The following NSL1 variants were observed in gnomAD, a reference collection of about 807,000 sequenced individuals.
The protein encoded by NSL1 is NSL1 component of MIS12 kinetochore complex, also known as kinetochore-associated protein NSL1 homolog.
Under a neutral mutation model 25.4 loss-of-function variants are expected in NSL1, and 11 were observed. The ratio of observed to expected loss-of-function variants is 0.43; its 90% CI spans 0.27 to 0.72. The LOEUF is 0.72. Among genes scored for constraint, NSL1 ranks in the 30% least tolerant of loss-of-function variants. The pLI is 0.19. For synonymous variants in NSL1, 118 were observed against 120.6 expected, an observed-to-expected ratio of 0.98 and a Z score of 0.14; for missense variants, 330 against 342.7, an observed-to-expected ratio of 0.96 and a Z score of 0.29.
chr1:212,755,379 A>C (rs1389522228), intron 4 of NSL1, among the ~76,000 whole-genome samples: 2 of 152,020 alleles, frequency 1.3e-5, no homozygotes, highest in East Asian at 3.8e-4. Flanking sequence ...TGTTAATGGA[A>C]GATGGGAGAA....
intron 4 of NSL1, among the ~76,000 whole-genome samples, chr1:212,749,880 G>A (rs1040059577): frequency 1.3e-5 from 2 of 150,674 alleles, no homozygotes; most frequent in Non-Finnish European, 3.0e-5. Flanking sequence ...TTTAACAAAT[G>A]AATGTCTAGT....
chr1:212,787,631 CAA>C lies in NSL1; in HGVS notation c.239_240del (p.Phe80Ter). 6.3e-7 allele frequency: 1 copy of C among 1,593,276 alleles called. No individual in the cohort carries two copies. ...CTGATATTCTCTTGCACAGCTGATT[CAA>C]AAGTCTGCAATAAATTCACAGTAGT... The part of the protein sequence containing the change: ...EPALRDAQWT[F>X]ESAVQENISI... On this transcript the variant is annotated frameshift_variant, in exon 2 of 6. Transcript: ENST00000366977. LOFTEE classifies it high-confidence loss of function.
chr1:212,780,025 G>A (rs1199326347), intron 4 of NSL1, among the ~76,000 whole-genome samples: 72 of 152,124 alleles, frequency 4.7e-4, no homozygotes, highest in African/African-American at 1.5e-3. Context: ...CATTGAGAAC[G>A]GGCCATGATG....
At chr1:212,791,246 C>T (rs1432786996) in intron 1 of NSL1, among the ~76,000 whole-genome samples, 2 of 152,174 alleles carry the variant, frequency 1.3e-5, no homozygotes, top group Non-Finnish European at 2.9e-5. Context: ...AACAAAATGT[C>T]TTATTTCCAT....
Position 212,735,516 on chromosome 1 carries a change from G to C in NSL1, c.*2892C>G. 1.0e-6 allele frequency: 1 copy of C among 985,416 alleles called. No individual in the cohort carries two copies. 61.0% of individuals were successfully genotyped at this position (985,416 alleles called of 1,614,324 possible). On this transcript the variant is annotated 3_prime_UTR_variant, in exon 6 of 6. Coordinates refer to ENST00000366977, the MANE Select transcript of NSL1 (RefSeq NM_015471.4). ...CGGAGCCCAAGCCATAAAGGGCCAG[G>C]GAAAGAGGTCTAGGATAAGATTTTC...
intron 5 of NSL1, 71 bp from the exon 6 acceptor site, chr1:212,738,757 A>G (rs977582354): frequency 7.7e-7 from 1 of 1,293,636 alleles, no homozygotes; most frequent in Non-Finnish European, 1.1e-6. Context: ...AGATGGATGC[A>G]GTACTCTAAT....
intron 4 of NSL1, among the ~76,000 whole-genome samples, chr1:212,746,895 C>T (rs1250163957): frequency 6.6e-6 from 1 of 152,180 alleles, no homozygotes; most frequent in Non-Finnish European, 1.5e-5. Flanking sequence ...CCTGTAATCC[C>T]AACACTTTGG....
Position 212,784,419 on chromosome 1 carries a change from G to C in NSL1, c.388C>G (p.Pro130Ala). The stretch of plus-strand genomic sequence containing the variant: ...ATGACACATTCCAGGATCTTTCTGG[G>C]ATACTGCTTACGTTTTGTGGCTATA... ...VDIATKRKQY[P>A]RKILECVIKT... The change falls in exon 3 of 6, where the codon CCC becomes GCC. Residue 130 changes from proline to alanine, a missense_variant. Transcript: ENST00000366977. 6.3e-7 allele frequency: 1 copy of C among 1,597,210 alleles called. No homozygotes were observed. Among genetic ancestry groups the C allele is most frequent in the Non-Finnish European group, 8.6e-7 (1 of 1,167,954 alleles).
rs1657991877 is a variant in NSL1 at position 212,731,043 on chromosome 1, T to C, written c.*7365A>G. On this transcript the variant is annotated 3_prime_UTR_variant, in exon 6 of 6. Transcript: ENST00000366977. ...CAAGGGATTCTTTACCCCTGAAGCT[T>C]CAAATGAATATAACATTAATTTTCT... The C allele has an allele frequency of 1.0e-6, 1 of 985,184 alleles. No homozygotes were observed. Among genetic ancestry groups the C allele is most frequent in the Non-Finnish European group, 1.2e-6 (1 of 829,830 alleles). The allele number at this position is 985,184 out of a possible 1,614,324, so 61.0% of individuals were successfully genotyped here.
At chr1:212,756,570 A>C (rs1039021139) in intron 4 of NSL1, among the ~76,000 whole-genome samples, 4 of 152,242 alleles carry the variant, frequency 2.6e-5, no homozygotes, top group Admixed American at 6.5e-5. Flanking sequence ...CTGTAATCCC[A>C]GAACTTTGGG....
chr1:212,778,773 C>G (rs1455067324), intron 4 of NSL1, among the ~76,000 whole-genome samples: 1 of 152,124 alleles, frequency 6.6e-6, no homozygotes, highest in Admixed American at 6.5e-5. Flanking sequence ...CAGCAGCCTG[C>G]CTTGGCCTCC....
At position 212,738,022 on chromosome 1, in the gene NSL1, CTCT is replaced by C. The variant is rs1558037767; in HGVS notation, c.*383_*385del. On this transcript the variant is annotated 3_prime_UTR_variant, in exon 6 of 6. Transcript: ENST00000366977. ...ACGAAAAATCATTATACAGCTCTCTCTCTTTTTTTTTTTTTTCCTAGAAAGATG... is the reference window on the plus strand; with the variant it reads ...ACGAAAAATCATTATACAGCTCTCTCTTTTTTTTTTTTTCCTAGAAAGATG... 7 of 934,876 alleles carry C rather than the reference CTCT, an allele frequency of 7.5e-6. No homozygotes were observed. The highest frequency in any genetic ancestry group is 8.7e-6 in the Non-Finnish European group (7 of 803,836). The allele number at this position is 934,876 out of a possible 1,614,324, so 57.9% of individuals were successfully genotyped here. A position where few individuals can be genotyped will look rare whatever the true frequency, so the allele number is the denominator to read the frequency against.
At position 212,791,623 on chromosome 1, in the gene NSL1, G is replaced by A; in HGVS notation, c.141C>T (p.Thr47=). The change falls in exon 1 of 6, where the codon ACC becomes ACT. Residue 47 remains threonine, a synonymous_variant. Transcript: ENST00000366977. ...RVRCTSKRAV[T]EMLQLCGRFV... The stretch of plus-strand genomic sequence containing the variant: ...AGCGGCCGCACAGTTGTAGCATTTC[G>A]GTCACAGCCCGCTTCGAGGTGCAGC... The A allele has an allele frequency of 1.2e-6, 2 of 1,613,808 alleles. No homozygotes were observed. The highest frequency in any genetic ancestry group is 1.7e-6 in the Non-Finnish European group (2 of 1,180,026).
intron 4 of NSL1, among the ~76,000 whole-genome samples, chr1:212,762,212 C>A (rs1488581031): frequency 6.7e-6 from 1 of 148,866 alleles, no homozygotes; most frequent in Non-Finnish European, 1.5e-5. Context: ...GCAGGAGAAT[C>A]ACTTGAACCC....
intron 4 of NSL1, among the ~76,000 whole-genome samples, chr1:212,756,815 G>A (rs559738988): frequency 2.6e-5 from 4 of 152,018 alleles, no homozygotes; most frequent in South Asian, 2.1e-4. Context: ...GCAAGGCTCC[G>A]TCTCAAAAAA....
Position 212,731,648 on chromosome 1 carries a change from G to A in NSL1, c.*6760C>T, listed in dbSNP as rs1056287991. ...CCACAGAGTTAATACTTCCCACTTC[G>A]TCAGCTCTTTATTCTGCTGCACTAA... On this transcript the variant is annotated 3_prime_UTR_variant, in exon 6 of 6. Transcript: ENST00000366977. The A allele has an allele frequency of 7.1e-6, 7 of 985,282 alleles. No individual in the cohort carries two copies. The highest frequency in any genetic ancestry group is 7.2e-6 in the Non-Finnish European group (6 of 829,914). 61.0% of individuals were successfully genotyped at this position (985,282 alleles called of 1,614,324 possible).
At chr1:212,782,686 G>A (rs540227660) in intron 3 of NSL1, among the ~76,000 whole-genome samples, 4 of 152,052 alleles carry the variant, frequency 2.6e-5, no homozygotes, top group Non-Finnish European at 5.9e-5. Flanking sequence ...AAGCAATCAA[G>A]CAAATTAAAA....
chr1:212,762,306 C>CAAAAAAAAAAAAAAAAAAAAAAAA (rs71147025), intron 4 of NSL1, among the ~76,000 whole-genome samples: 1 of 114,638 alleles, frequency 8.7e-6, no homozygotes, highest in Non-Finnish European at 1.7e-5. Flanking sequence ...TTAAAAGAAA[C>CAAAAAAAAAAAAAAAAAAAAAAAA]AAAAAAAAAA....
At chr1:212,752,638 T>A (rs981109742) in intron 4 of NSL1, among the ~76,000 whole-genome samples, 42 of 152,200 alleles carry the variant, frequency 2.8e-4, no homozygotes, top group African/African-American at 9.9e-4. Flanking sequence ...TGAGACCACA[T>A]CTTATTGGTG....
Sources: gnomAD v4.1 joint callset for allele counts (sites outside exome capture counted in the v4.1 genomes callset) on GRCh38, gnomAD v4.1.1 for gene constraint, MANE v1.5 for transcripts, NCBI Gene and HGNC (gene_info 2026-07-23, HGNC 2026-07-21) for gene names.